HSD17B12: variants seen among roughly 807,000 people sequenced by gnomAD.
HSD17B12 encodes the protein hydroxysteroid 17-beta dehydrogenase 12.
HSD17B12 carries 32 observed loss-of-function variants against 39.3 expected under a neutral mutation model. The observed-to-expected ratio is 0.81, with a 90% CI of 0.61 to 1.09. The LOEUF (loss-of-function observed/expected upper bound fraction) is 1.09, where lower values mean the gene tolerates loss of function less well. Among genes scored for constraint, HSD17B12 ranks in the 50% least tolerant of loss-of-function variants. HSD17B12 has a pLI of 0.00. For missense variants in HSD17B12, 342 were observed against 382.9 expected (o/e 0.89, Z 0.89); for synonymous variants, 150 against 146.7 (o/e 1.02, Z -0.16).
At chr11:43,758,581 A>T (rs779535045) in intron 3 of HSD17B12, among the ~76,000 whole-genome samples, 1 of 152,204 alleles carries the variant, frequency 6.6e-6, no homozygotes. Flanking sequence ...CCATGGCTAT[A>T]AAACATAAAA....
At chr11:43,640,688 T>G in the HSD17B12 span, among the ~76,000 whole-genome samples, 1 of 151,986 alleles carries the variant, frequency 6.6e-6, no homozygotes, top group Non-Finnish European at 1.5e-5. Context: ...TTGAAAGTAT[T>G]AAAACTATTG....
At chr11:43,675,242 T>G in the HSD17B12 span, among the ~76,000 whole-genome samples, 1 of 152,226 alleles carries the variant, frequency 6.6e-6, no homozygotes, top group Admixed American at 6.5e-5. Context: ...GGATAAGGAT[T>G]GCTAGAGCAG....
the HSD17B12 span, among the ~76,000 whole-genome samples, chr11:43,669,627 C>T: frequency 6.6e-6 from 1 of 152,212 alleles, no homozygotes; most frequent in Non-Finnish European, 1.5e-5. Flanking sequence ...TTGCCTCTTC[C>T]TAACTTCTGG....
intron 9 of HSD17B12, among the ~76,000 whole-genome samples, chr11:43,851,540 TCTTA>T (rs1951530948): frequency 6.6e-6 from 1 of 152,200 alleles, no homozygotes; most frequent in Admixed American, 6.5e-5. Flanking sequence ...AGATAGGTGC[TCTTA>T]TATATGCTTC....
Position 43,854,713 on chromosome 11 carries a change from A to G in HSD17B12, c.685-2A>G, listed in dbSNP as rs1244392661. On this transcript the variant is annotated splice_acceptor_variant, in intron 9 of 10. Coordinates refer to ENST00000278353, the MANE Select transcript of HSD17B12 (RefSeq NM_016142.3). LOFTEE classifies it high-confidence loss of function. ...TTTCTGGGGTGGGTGTTCCCTTTCTAGAGTGTCCTGCCATACTTCGTAGCT... is the reference window on the plus strand; with the variant it reads ...TTTCTGGGGTGGGTGTTCCCTTTCTGGAGTGTCCTGCCATACTTCGTAGCT... 1 of 1,613,322 alleles carries G rather than the reference A, an allele frequency of 6.2e-7. No homozygotes were observed. The highest frequency in any genetic ancestry group is 2.2e-5 in the East Asian group (1 of 44,878).
chr11:43,801,942 A>C (rs943455530), intron 4 of HSD17B12, among the ~76,000 whole-genome samples: 1 of 152,042 alleles, frequency 6.6e-6, no homozygotes, highest in African/African-American at 2.4e-5. Flanking sequence ...TCTAATAGCC[A>C]CATTTTTTAA....
At chr11:43,646,393 T>C in the HSD17B12 span, 2 of 152,240 alleles carry the variant, frequency 1.3e-5, no homozygotes, top group South Asian at 4.1e-4. Flanking sequence ...ATCCATATTG[T>C]CCATATTTGT....
At chr11:43,569,589 C>T in the HSD17B12 span, 2 of 152,108 alleles carry the variant, frequency 1.3e-5, no homozygotes, top group Admixed American at 6.5e-5. Flanking sequence ...ACTGATCATC[C>T]CCTTGCCCAG....
intron 1 of HSD17B12, among the ~76,000 whole-genome samples, chr11:43,705,793 G>T (rs778736432): frequency 1.9e-5 from 2 of 103,700 alleles, no homozygotes; most frequent in South Asian, 3.2e-4. Context: ...TTTTGAGATA[G>T]GGTCTTGCTC....
At chr11:43,771,655 T>G (rs1160622723) in intron 3 of HSD17B12, among the ~76,000 whole-genome samples, 1 of 151,802 alleles carries the variant, frequency 6.6e-6, no homozygotes, top group East Asian at 1.9e-4. Flanking sequence ...TTAGTAGAGA[T>G]AGGGCTTCAC....
chr11:43,574,783 T>C, the HSD17B12 span, among the ~76,000 whole-genome samples: 1 of 152,210 alleles, frequency 6.6e-6, no homozygotes, highest in South Asian at 2.1e-4. Context: ...TCCTGGTCTT[T>C]GAGAGGGAGA....
chr11:43,654,191 T>C, the HSD17B12 span, among the ~76,000 whole-genome samples: 2 of 152,236 alleles, frequency 1.3e-5, no homozygotes, highest in Non-Finnish European at 2.9e-5. Flanking sequence ...CATAAATGTC[T>C]TCTTTTGAGA....
At chr11:43,581,924 A>G in the HSD17B12 span, among the ~76,000 whole-genome samples, 1 of 152,190 alleles carries the variant, frequency 6.6e-6, no homozygotes, top group African/African-American at 2.4e-5. This position sits in a 1 kb window ranked among gnomAD's most constrained non-coding sequence, Gnocchi z 4.9. Context: ...TAATGATCCG[A>G]TTCTGCAATA....
At chr11:43,756,057 T>TG (rs1165771362) in intron 3 of HSD17B12, among the ~76,000 whole-genome samples, 1 of 152,068 alleles carries the variant, frequency 6.6e-6, no homozygotes, top group Non-Finnish European at 1.5e-5. Flanking sequence ...GAGAACAGTA[T>TG]GGGGGGAACC....
At chr11:43,566,485 G>GGGGCTCCTACTATT in the HSD17B12 span, among the ~76,000 whole-genome samples, 1 of 151,802 alleles carries the variant, frequency 6.6e-6, no homozygotes, top group Non-Finnish European at 1.5e-5. Context: ...AAGATTTCCC[G>GGGGCTCCTACTATT]TCATCTCTTG....
At chr11:43,680,728 G>C, upstream of HSD17B12, 1 of 1,055,898 alleles carries the variant, frequency 9.5e-7, no homozygotes, top group Non-Finnish European at 1.5e-6. Flanking sequence ...TCGGAGCAGC[G>C]CCTATTAGTG....
chr11:43,788,390 A>T (rs1950835596), intron 3 of HSD17B12, among the ~76,000 whole-genome samples: 1 of 152,198 alleles, frequency 6.6e-6, no homozygotes, highest in African/African-American at 2.4e-5. Flanking sequence ...TTTAGCTATA[A>T]AATGTGATGT....
chr11:43,848,242 A>G (rs1951497539), intron 9 of HSD17B12, among the ~76,000 whole-genome samples: 1 of 152,208 alleles, frequency 6.6e-6, no homozygotes, highest in Non-Finnish European at 1.5e-5. Flanking sequence ...GAATAGTAAA[A>G]TTAGTCCTTT....
At chr11:43,690,379 TATATATATATATATATATATA>T (rs1949845028) in intron 1 of HSD17B12, among the ~76,000 whole-genome samples, 9 of 12,872 alleles carry the variant, frequency 7.0e-4, no homozygotes, top group African/African-American at 1.7e-3. Context: ...TATATATATA[TATATATATATATATATATATA>T]TATATTTTTT....
Sources: allele counts gnomAD v4.1 joint callset (sites outside exome capture counted in the v4.1 genomes callset), GRCh38; gene constraint gnomAD v4.1.1; non-coding constraint Gnocchi (gnomAD v3.1); transcripts MANE v1.5; gene names NCBI Gene and HGNC (gene_info 2026-07-23, HGNC 2026-07-21).